The following ZNF638 variants were observed in gnomAD, a reference collection of about 807,000 sequenced individuals.
The protein encoded by ZNF638 is CTCL tumor antigen se33-1.
Under a neutral mutation model 195.6 loss-of-function variants are expected in ZNF638, and 46 were observed. That is an observed-to-expected ratio of 0.24 (90% CI 0.19 to 0.30). The LOEUF is 0.30. ZNF638 is among the 10% of genes least tolerant of loss of function. ZNF638 has a pLI of 1.00. For synonymous variants in ZNF638, 845 were observed against 772.0 expected, an observed-to-expected ratio of 1.09 and a Z score of -1.57; for missense variants, 2,440 against 2,325.3, an observed-to-expected ratio of 1.05 and a Z score of -1.01.
intron 20 of ZNF638, among the ~76,000 whole-genome samples, chr2:71,413,126 AT>A (rs1248577725): frequency 1.1e-3 from 3 of 2,840 alleles, no homozygotes; most frequent in African/African-American, 2.7e-3. Context: ...ATGTTCTTCC[AT>A]TTGTTTGTGT....
In ZNF638 at chr2:71,363,509, G is replaced by A. The variant is rs115086238; in HGVS notation, c.1418+318G>A. Among the ~76,000 whole-genome samples the A allele has an allele frequency of 5.8e-3, 887 of 152,226 alleles. 11 individuals are homozygous for A. Among genetic ancestry groups the A allele is most frequent in the African/African-American group, 0.02 (849 of 41,548 alleles). On this transcript the variant is annotated intron_variant, in intron 4 of 27. Transcript: ENST00000264447. ...GTATCCCCTAGGGGATTCTCCTCAG[G>A]TTATGTGTGTACACACACGTACACA... is the stretch of plus-strand genomic sequence containing the variant.
rs1378609031 is a variant in ZNF638 at position 71,405,617 on chromosome 2, C to T, written c.2975C>T (p.Thr992Ile). The T allele has an allele frequency of 6.4e-7, 1 of 1,571,694 alleles. No homozygotes were observed. Among genetic ancestry groups the T allele is most frequent in the South Asian group, 1.2e-5 (1 of 85,852 alleles). ...NIKDEEAIFI[T>I]LVKENDPEAN... Reference sequence around the variant, plus strand: ...GCTTTTTAGGAAGCTATATTTATAACCTTGGTAAAAGAAAATGACCCAGAG... The same window carrying T: ...GCTTTTTAGGAAGCTATATTTATAATCTTGGTAAAAGAAAATGACCCAGAG... The change falls in exon 18 of 28, where the codon ACC (threonine) becomes ATC (isoleucine). Residue 992 changes from threonine to isoleucine, a missense_variant. Thr to Ile is a moderately conservative substitution (Grantham distance 89). Coordinates refer to ENST00000264447, the MANE Select transcript of ZNF638 (RefSeq NM_014497.5).
Position 71,396,131 on chromosome 2 carries a change from G to T in ZNF638, c.2378-10G>T. ...AATGTAGTACTTAAATGTTTTTCTT[G>T]TTGTTTTAGCCAAAACTGGACAAGC... On this transcript the variant is annotated splice_polypyrimidine_tract_variant and intron_variant, in intron 10 of 27. Transcript: ENST00000264447. 1 of 1,611,424 alleles carries T rather than the reference G, an allele frequency of 6.2e-7. No individual in the cohort carries two copies. Among genetic ancestry groups the T allele is most frequent in the African/African-American group, 1.3e-5 (1 of 74,796 alleles).
intron 20 of ZNF638, among the ~76,000 whole-genome samples, chr2:71,409,156 A>C (rs1208728363): frequency 6.6e-6 from 1 of 152,166 alleles, no homozygotes; most frequent in East Asian, 1.9e-4. Context: ...AGAAGTGAAA[A>C]TTTACATAAA....
intron 1 of ZNF638, chr2:71,332,843 C>T (rs968769795): frequency 1.3e-5 from 2 of 152,042 alleles, no homozygotes; most frequent in Non-Finnish European, 2.9e-5. Flanking sequence ...AAGTTTGGGG[C>T]CAGGACCAGA....
At chr2:71,404,982 C>T (rs566570925) in intron 17 of ZNF638, among the ~76,000 whole-genome samples, 120 of 152,066 alleles carry the variant, frequency 7.9e-4, no homozygotes, top group Non-Finnish European at 1.5e-3. Context: ...TGTAAAAATA[C>T]CTTTCATTAA....
At chr2:71,398,657 AC>A in intron 11 of ZNF638, 43 bp from the exon 12 acceptor site, 2 of 1,445,266 alleles carry the variant, frequency 1.4e-6, no homozygotes, top group Non-Finnish European at 1.9e-6. Flanking sequence ...GATTGTTGAT[AC>A]TAGTTAAGTA....
intron 6 of ZNF638, 120 bp from the exon 7 acceptor site, chr2:71,368,262 A>G: frequency 1.1e-6 from 1 of 890,654 alleles, no homozygotes; most frequent in Admixed American, 3.3e-5. Flanking sequence ...TGGGTAAAAA[A>G]TATGGAAAAG....
At chr2:71,418,495 A>T in intron 20 of ZNF638, 107 bp from the exon 21 acceptor site, 1 of 714,328 alleles carries the variant, frequency 1.4e-6, no homozygotes, top group Non-Finnish European at 2.1e-6. Context: ...ATACATTTTT[A>T]AGGTTTTTTT....
At chr2:71,411,924 C>T (rs1172220434) in intron 20 of ZNF638, among the ~76,000 whole-genome samples, 2 of 70,396 alleles carry the variant, frequency 2.8e-5, no homozygotes, top group Non-Finnish European at 5.3e-5. Flanking sequence ...TGAATAGTGC[C>T]GCAATAAACA....
chr2:71,367,379 T>C (rs961810449), intron 6 of ZNF638, among the ~76,000 whole-genome samples: 3 of 150,820 alleles, frequency 2.0e-5, no homozygotes, highest in African/African-American at 7.3e-5. Context: ...TGCCTCAGGC[T>C]CCCAGGTAGA....
Position 71,433,374 on chromosome 2 carries a change from T to C in ZNF638, c.5871+91T>C, listed in dbSNP as rs1214877253. The C allele has an allele frequency of 7.7e-6, 7 of 910,254 alleles. No individual in the cohort carries two copies. In the East Asian group the frequency reaches 1.2e-4, roughly 16 times the overall value. 56.4% of individuals were successfully genotyped at this position (910,254 alleles called of 1,614,324 possible). On this transcript the variant is annotated intron_variant, in intron 27 of 27. Transcript: ENST00000264447. ...TCCCCAAACGTACATTTCCCCCCGCTTTAGGAGAATGTTTATGCCAGTTTA... is the reference window on the plus strand; with the variant it reads ...TCCCCAAACGTACATTTCCCCCCGCCTTAGGAGAATGTTTATGCCAGTTTA...
chr2:71,343,537 G>A (rs1307842416), intron 1 of ZNF638, among the ~76,000 whole-genome samples: 4 of 152,172 alleles, frequency 2.6e-5, no homozygotes, highest in Admixed American at 6.5e-5. Flanking sequence ...AAATTGAGAT[G>A]TATGGAAGTG....
intron 12 of ZNF638, 32 bp from the exon 13 acceptor site, chr2:71,399,527 T>C: frequency 6.6e-7 from 1 of 1,512,462 alleles, no homozygotes; most frequent in African/African-American, 1.4e-5. Context: ...TAACAAGACC[T>C]TTAGAATAAT....
chr2:71,363,773 C>G (rs957684163), intron 4 of ZNF638, among the ~76,000 whole-genome samples, 181 bp from the exon 5 acceptor site: 5 of 152,156 alleles, frequency 3.3e-5, no homozygotes, highest in Admixed American at 1.3e-4. Context: ...CTGATTGTTT[C>G]TTATTTACGT....
At chr2:71,386,316 A>T (rs1183370992) in intron 10 of ZNF638, among the ~76,000 whole-genome samples, 3 of 140,796 alleles carry the variant, frequency 2.1e-5, no homozygotes, top group Non-Finnish European at 4.6e-5. Context: ...AAAAAAAAAA[A>T]AGTTTCTTAA....
rs533457167 is a variant in ZNF638, at chr2:71,418,279, T to C, written c.3262-323T>C. 1.9e-3 allele frequency: 386 copies of C among 198,876 alleles called. 1 individual carries two copies. The highest frequency in any genetic ancestry group is 2.8e-3 in the Non-Finnish European group (283 of 99,504). 12.3% of individuals were successfully genotyped at this position (198,876 alleles called of 1,614,324 possible). ...TTTTAAAATAATTCCTCAAGGAAGA[T>C]GTTGATATTTCACATTTATTGTTTA... On this transcript the variant is annotated intron_variant, in intron 20 of 27. Transcript: ENST00000264447.
At position 71,349,919 on chromosome 2, in the gene ZNF638, C is replaced by T; in HGVS notation, c.965C>T (p.Thr322Ile). 6.2e-7 allele frequency: 1 copy of T among 1,614,226 alleles called. No homozygotes were observed. Among genetic ancestry groups the T allele is most frequent in the Non-Finnish European group, 8.5e-7 (1 of 1,180,032 alleles). ...TCCATTAACCAAACAGTTAGCCAGA[C>T]AATGAGTCAATCTCTGATTCCTCCA... ...NQSINQTVSQ[T>I]MSQSLIPPSM... The change falls in exon 2 of 28, where the codon ACA (threonine) becomes ATA (isoleucine). Residue 322 changes from threonine to isoleucine, a missense_variant. Coordinates refer to ENST00000264447, the MANE Select transcript of ZNF638 (RefSeq NM_014497.5).
At position 71,426,873 on chromosome 2, in the gene ZNF638, G is replaced by A. The variant is rs2080550535; in HGVS notation, c.5004G>A (p.Val1668=). Residue 1668 remains valine (V), a synonymous_variant, in exon 24 of 28, where the codon GTG becomes GTA. Transcript: ENST00000264447. Reference sequence around the variant, plus strand: ...CTAAAGATGTTACTGTTCTGTCAGTGGCTGAAGAACAAGATCTCCTCAAAC... The same window carrying A: ...CTAAAGATGTTACTGTTCTGTCAGTAGCTGAAGAACAAGATCTCCTCAAAC... The part of the protein sequence containing the change: ...SEPKDVTVLS[V]AEEQDLLKQE... The A allele has an allele frequency of 1.2e-6, 2 of 1,614,162 alleles. No individual in the cohort carries two copies. Among genetic ancestry groups the A allele is most frequent in the Non-Finnish European group, 1.7e-6 (2 of 1,180,006 alleles).
Sources: allele counts gnomAD v4.1 joint callset (sites outside exome capture counted in the v4.1 genomes callset), GRCh38; gene constraint gnomAD v4.1.1; transcripts MANE v1.5; gene names NCBI Gene and HGNC (gene_info 2026-07-23, HGNC 2026-07-21).